The following SAMD4A variants were observed in gnomAD, a reference collection of about 807,000 sequenced individuals.
SAMD4A encodes the protein protein Smaug homolog 1.
In SAMD4A, 33 loss-of-function variants were observed where a neutral mutation model predicts 81.3. The observed-to-expected ratio is 0.41, with a 90% CI of 0.31 to 0.54. The LOEUF is 0.54. Ranked by LOEUF, SAMD4A falls within the 20% of genes least tolerant of loss-of-function variation. SAMD4A has a pLI of 0.37. For missense variants in SAMD4A, 854 were observed against 951.1 expected, an observed-to-expected ratio of 0.90 and a Z score of 1.34; for synonymous variants, 389 against 382.1, an observed-to-expected ratio of 1.02 and a Z score of -0.21.
At chr14:54,724,753 C>A (rs760233313) in intron 3 of SAMD4A, among the ~76,000 whole-genome samples, 1 of 152,176 alleles carries the variant, frequency 6.6e-6, no homozygotes, top group Non-Finnish European at 1.5e-5. Context: ...CAGGGAAGAA[C>A]GGTATAATTT....
intron 2 of SAMD4A, among the ~76,000 whole-genome samples, chr14:54,613,811 G>A (rs572561484): frequency 6.6e-6 from 1 of 152,182 alleles, no homozygotes; most frequent in Non-Finnish European, 1.5e-5. Context: ...GGTCCCTAAG[G>A]TCCTTTCAGA....
chr14:54,687,314 C>T (rs1264562981), intron 2 of SAMD4A: 2 of 456,308 alleles, frequency 4.4e-6, no homozygotes, highest in South Asian at 3.1e-5. Context: ...AAACTGCAGA[C>T]TTTGGATGTT....
chr14:54,755,587 A>G (rs542819563), intron 6 of SAMD4A, among the ~76,000 whole-genome samples: 30 of 152,262 alleles, frequency 2.0e-4, no homozygotes, highest in Admixed American at 1.6e-3. Flanking sequence ...GTCACGTACA[A>G]TGGAGACGGA....
intron 6 of SAMD4A, among the ~76,000 whole-genome samples, 177 bp downstream of exon 6, chr14:54,751,714 T>C (rs1322709662): frequency 6.6e-6 from 1 of 152,210 alleles, no homozygotes; most frequent in African/African-American, 2.4e-5. Flanking sequence ...ACGTGCTTCT[T>C]TGAAAGCTGA....
At chr14:54,721,490 T>C (rs983245495) in intron 3 of SAMD4A, among the ~76,000 whole-genome samples, 7 of 152,184 alleles carry the variant, frequency 4.6e-5, no homozygotes, top group Non-Finnish European at 1.0e-4. Flanking sequence ...CTGAAATGCT[T>C]TTACCTCTCA....
chr14:54,660,469 T>TG (rs2035615724), intron 2 of SAMD4A, among the ~76,000 whole-genome samples: 1 of 152,236 alleles, frequency 6.6e-6, no homozygotes, highest in South Asian at 2.1e-4. Context: ...CTAATACTGA[T>TG]GGGACACTTA....
chr14:54,729,704 G>A (rs915466232), intron 3 of SAMD4A, among the ~76,000 whole-genome samples: 19 of 152,186 alleles, frequency 1.2e-4, no homozygotes, highest in Non-Finnish European at 2.2e-4. Context: ...AAATAGCCAG[G>A]TTGATCCCAT....
chr14:54,639,083 A>G (rs924410859), intron 2 of SAMD4A, among the ~76,000 whole-genome samples: 1 of 152,322 alleles, frequency 6.6e-6, no homozygotes, highest in Middle Eastern at 3.4e-3. Context: ...AGATCCATGG[A>G]CCATGCCATT....
intron 2 of SAMD4A, among the ~76,000 whole-genome samples, chr14:54,678,616 A>T (rs1485489484): frequency 4.9e-5 from 7 of 142,824 alleles, no homozygotes; most frequent in East Asian, 3.9e-4. Context: ...CGGCGCGATC[A>T]CGGCTCACTG....
intron 8 of SAMD4A, among the ~76,000 whole-genome samples, chr14:54,769,125 G>A (rs1434077841): frequency 1.3e-5 from 2 of 152,188 alleles, no homozygotes; most frequent in African/African-American, 4.8e-5. Context: ...CTAGTCACTT[G>A]GCAGGGGATT....
At chr14:54,686,051 G>GTACTCTAGCTTCCTGGGGGA (rs2036259714) in intron 2 of SAMD4A, among the ~76,000 whole-genome samples, 2 of 152,310 alleles carry the variant, frequency 1.3e-5, no homozygotes, top group African/African-American at 4.8e-5. Context: ...AAGCTTTCTT[G>GTACTCTAGCTTCCTGGGGGA]TACTCTAGCT....
intron 10 of SAMD4A, 121 bp downstream of exon 10, chr14:54,775,256 G>GCCC: frequency 9.6e-7 from 1 of 1,043,144 alleles, no homozygotes; most frequent in Non-Finnish European, 1.5e-6. Context: ...GGGGGCAGTT[G>GCCC]CCACCATTCC....
chr14:54,705,468 T>C (rs1236059320), intron 3 of SAMD4A, among the ~76,000 whole-genome samples: 2 of 152,190 alleles, frequency 1.3e-5, no homozygotes, highest in African/African-American at 4.8e-5. Context: ...CGTAAGACAA[T>C]ATGATGTTAA....
At chr14:54,673,101 TTACTTTCATATTCC>T (rs67711630) in intron 2 of SAMD4A, among the ~76,000 whole-genome samples, 66,131 of 152,000 alleles carry the variant, frequency 0.44, 15,836 homozygotes, top group Non-Finnish European at 0.54. Flanking sequence ...TTAAAGGAAT[TTACTTTCATATTCC>T]TCCAGTGGCT....
chr14:54,685,970 A>G, intron 2 of SAMD4A: 1 of 429,512 alleles, frequency 2.3e-6, no homozygotes. Flanking sequence ...TGACAACAGA[A>G]AGTGATGCTC....
chr14:54,721,998 C>A (rs1594857533), intron 3 of SAMD4A, among the ~76,000 whole-genome samples: 1 of 152,218 alleles, frequency 6.6e-6, no homozygotes, highest in East Asian at 1.9e-4. Flanking sequence ...ATATAAATAT[C>A]CCATTTGTAA....
chr14:54,777,631 G>T (rs903495180), intron 11 of SAMD4A, among the ~76,000 whole-genome samples: 1 of 152,084 alleles, frequency 6.6e-6, no homozygotes, highest in Admixed American at 6.5e-5. Flanking sequence ...CCACATGGGG[G>T]ATTCCGAGTA....
intron 2 of SAMD4A, chr14:54,681,725 C>A: frequency 2.2e-6 from 2 of 921,136 alleles, no homozygotes; most frequent in Non-Finnish European, 2.6e-6. Context: ...AGCCACCACG[C>A]CCTGCCTTTT....
chr14:54,677,152 T>C (rs2036010536), intron 2 of SAMD4A, among the ~76,000 whole-genome samples: 1 of 152,216 alleles, frequency 6.6e-6, no homozygotes, highest in South Asian at 2.1e-4. Context: ...TGGAAGTGGT[T>C]CAGAGGTAGT....
Sources: gnomAD v4.1 joint callset for allele counts (sites outside exome capture counted in the v4.1 genomes callset) on GRCh38, gnomAD v4.1.1 for gene constraint, MANE v1.5 for transcripts, NCBI Gene and HGNC (gene_info 2026-07-23, HGNC 2026-07-21) for gene names.